The following GREM2 variants were observed in gnomAD, a reference collection of about 807,000 sequenced individuals.
GREM2 encodes gremlin 2, DAN family BMP antagonist.
GREM2 carries 11 observed loss-of-function variants against 14.2 expected under a neutral mutation model. The observed-to-expected ratio is 0.78, with a 90% CI of 0.49 to 1.28. The LOEUF is 1.28. Among genes scored for constraint, GREM2 ranks in the 50% most tolerant of loss-of-function variants. GREM2 has a pLI of 0.00. For missense variants in GREM2, 210 were observed against 218.5 expected (o/e 0.96, Z 0.24); for synonymous variants, 98 against 97.6 (o/e 1.00, Z -0.02).
At chr1:240,531,328 A>G (rs573609741) in intron 1 of GREM2, among the ~76,000 whole-genome samples, 1 of 152,332 alleles carries the variant, frequency 6.6e-6, no homozygotes, top group East Asian at 1.9e-4. Context: ...TGATATTATT[A>G]CAACTTTAAA....
chr1:240,611,544 T>C (rs1680135086), intron 1 of GREM2, among the ~76,000 whole-genome samples: 1 of 152,166 alleles, frequency 6.6e-6, no homozygotes, highest in African/African-American at 2.4e-5. Flanking sequence ...TGCCTCGCTA[T>C]AGTCATGATT....
At chr1:240,583,854 G>A (rs566622325) in intron 1 of GREM2, among the ~76,000 whole-genome samples, 83 of 151,766 alleles carry the variant, frequency 5.5e-4, no homozygotes, top group Non-Finnish European at 1.0e-3. Context: ...TGCCCACCTC[G>A]GCCTCCCAAA....
intron 1 of GREM2, among the ~76,000 whole-genome samples, chr1:240,510,198 T>C (rs973918677): frequency 2.0e-5 from 3 of 151,476 alleles, no homozygotes; most frequent in Non-Finnish European, 2.9e-5. Flanking sequence ...TGAAACCCCG[T>C]CTCCACTAAA....
In GREM2 at chr1:240,500,584, C is replaced by T. The variant is rs112434991; in HGVS notation, c.-1-7108G>A. On this transcript the variant is annotated intron_variant, in intron 1 of 1. Transcript: ENST00000318160. ...CCTCCCAAAGTGCTGGGATTACAAG[C>T]GTGAGCTGCCGTGCCCAGCCGATAA... Among the ~76,000 whole-genome samples the T allele has an allele frequency of 7.2e-5, 11 of 152,236 alleles. 1 individual carries two copies. Among genetic ancestry groups the T allele is most frequent in the East Asian group, 1.9e-4 (1 of 5,174 alleles).
intron 1 of GREM2, among the ~76,000 whole-genome samples, chr1:240,589,460 AAAAAG>A (rs148173885): frequency 0.045 from 6,830 of 151,864 alleles, 510 homozygotes; most frequent in African/African-American, 0.16. Flanking sequence ...AAAAAAGAAA[AAAAAG>A]AAAAGAAAAG....
chr1:240,599,303 G>A (rs1311676649), intron 1 of GREM2, among the ~76,000 whole-genome samples: 5 of 151,936 alleles, frequency 3.3e-5, no homozygotes, highest in Admixed American at 1.3e-4. Context: ...AGTAAGTGAG[G>A]GCTGTGTCTA....
At chr1:240,594,582 A>T (rs1363591758) in intron 1 of GREM2, among the ~76,000 whole-genome samples, 1 of 152,162 alleles carries the variant, frequency 6.6e-6, no homozygotes, top group African/African-American at 2.4e-5. Flanking sequence ...AGAAAGACCC[A>T]AGAAAAACCA....
chr1:240,543,445 T>C lies in GREM2; in HGVS notation c.-1-49969A>G, dbSNP rs573750943. Among the ~76,000 whole-genome samples, 4 of 152,288 alleles carry C rather than the reference T, an allele frequency of 2.6e-5. No homozygotes were observed. Among genetic ancestry groups the C allele is most frequent in the African/African-American group, 9.6e-5 (4 of 41,568 alleles). On this transcript the variant is annotated intron_variant, in intron 1 of 1. Coordinates refer to ENST00000318160, the MANE Select transcript of GREM2 (RefSeq NM_022469.4). The surrounding 1 kb of genome is among the most constrained non-coding windows in gnomAD (Gnocchi z 6.4). Reference sequence around the variant, plus strand: ...GAGTTTGTTCAGGGGAACTCCCATATATAAAACCATCAGATCTGGTGAGAC... The same window carrying C: ...GAGTTTGTTCAGGGGAACTCCCATACATAAAACCATCAGATCTGGTGAGAC...
chr1:240,536,604 T>C (rs2103320959), intron 1 of GREM2, among the ~76,000 whole-genome samples: 1 of 151,614 alleles, frequency 6.6e-6, no homozygotes, highest in Non-Finnish European at 1.5e-5. Flanking sequence ...GCTGTAGATC[T>C]GGAAGCCATC....
At chr1:240,599,039 C>A (rs1384089966) in intron 1 of GREM2, among the ~76,000 whole-genome samples, 1 of 152,074 alleles carries the variant, frequency 6.6e-6, no homozygotes, top group Admixed American at 6.6e-5. Context: ...GAGACCGAGG[C>A]AGGCAGATGA....
chr1:240,555,471 T>C (rs1399204297), intron 1 of GREM2, among the ~76,000 whole-genome samples: 2 of 152,206 alleles, frequency 1.3e-5, no homozygotes. Context: ...GTTTCTAAAA[T>C]TGGTGTAAAT....
rs1201794130 is a variant in GREM2 at position 240,491,244 on chromosome 1, A to G, written c.*1725T>C. The G allele has an allele frequency of 6.6e-6, 1 of 152,458 alleles. No homozygotes were observed. Among genetic ancestry groups the G allele is most frequent in the Non-Finnish European group, 1.5e-5 (1 of 68,046 alleles). The allele number at this position is 152,458 out of a possible 1,614,324, so 9.4% of individuals were successfully genotyped here. A position where few individuals can be genotyped will look rare whatever the true frequency, so the allele number is the denominator to read the frequency against. On this transcript the variant is annotated 3_prime_UTR_variant, in exon 2 of 2. Transcript: ENST00000318160. ...TCTAGATCCACCATCACTACCTAGT[A>G]TCAGGAAGCTAAGTCCCCACAGCGG...
rs546952518 is a variant in GREM2 at position 240,538,527 on chromosome 1, C to A, written c.-1-45051G>T. Among the ~76,000 whole-genome samples, 95 of 151,832 alleles carry A rather than the reference C, an allele frequency of 6.3e-4. 2 individuals are homozygous for A. Among genetic ancestry groups the A allele is most frequent in the African/African-American group, 2.3e-3 (94 of 41,406 alleles). ...GACCAGCCTGGGCAACATAGTGAGA[C>A]CTTTGTCTCTCCAAAAAAAAATAAT... is the stretch of plus-strand genomic sequence containing the variant. On this transcript the variant is annotated intron_variant, in intron 1 of 1. Coordinates refer to ENST00000318160, the MANE Select transcript of GREM2 (RefSeq NM_022469.4).
Position 240,543,487 on chromosome 1 carries a change from T to C in GREM2, c.-1-50011A>G, listed in dbSNP as rs1051650232. On this transcript the variant is annotated intron_variant, in intron 1 of 1. Transcript: ENST00000318160. This position sits in a 1 kb window ranked among gnomAD's most constrained non-coding sequence, Gnocchi z 6.4. ...TGGTGAGACTTATTCACTACCATGA[T>C]AACAGTAGGGGGGAAACCGCCCTTG... 6.6e-6 allele frequency among the ~76,000 whole-genome samples: 1 copy of C among 152,126 alleles called. No homozygotes were observed. Among genetic ancestry groups the C allele is most frequent in the African/African-American group, 2.4e-5 (1 of 41,422 alleles).
At chr1:240,541,923 CTG>C (rs1678598128) in intron 1 of GREM2, among the ~76,000 whole-genome samples, 1 of 152,178 alleles carries the variant, frequency 6.6e-6, no homozygotes, top group African/African-American at 2.4e-5. Context: ...AATGCCATCA[CTG>C]TCTTTATCAC....
At chr1:240,497,021 C>G (rs1049239227) in intron 1 of GREM2, among the ~76,000 whole-genome samples, 13 of 141,322 alleles carry the variant, frequency 9.2e-5, no homozygotes, top group Non-Finnish European at 1.6e-4. Flanking sequence ...AACTCCATCT[C>G]AAAAAAAAAA....
At chr1:240,587,074 AT>A (rs763766221) in intron 1 of GREM2, among the ~76,000 whole-genome samples, 12 of 152,084 alleles carry the variant, frequency 7.9e-5, no homozygotes, top group Non-Finnish European at 1.5e-4. Context: ...GGGTCTGATT[AT>A]TTTTTCCTAT....
Position 240,493,063 on chromosome 1 carries a change from G to A in GREM2, c.413C>T (p.Pro138Leu), listed in dbSNP as rs374808640. The change falls in exon 2 of 2, where the codon CCC (proline) becomes CTC (leucine). Residue 138 changes from proline (P) to leucine (L), a missense_variant. Coordinates refer to ENST00000318160, the MANE Select transcript of GREM2 (RefSeq NM_022469.4). ...GAGTCGGAAGGGTGGGTCCAGGCCG[G>A]GGCACTCGAGCTCCACGAGGACGGA... is the stretch of plus-strand genomic sequence containing the variant. ...VTSVLVELECPGLDPPFRLKK... is the reference protein window; with the variant it reads ...VTSVLVELECLGLDPPFRLKK... 1.2e-6 allele frequency: 2 copies of A among 1,612,668 alleles called. No individual in the cohort carries two copies. Among genetic ancestry groups the A allele is most frequent in the East Asian group, 2.2e-5 (1 of 44,792 alleles).
chr1:240,544,257 C>T (rs1240782043), intron 1 of GREM2, among the ~76,000 whole-genome samples: 1 of 151,654 alleles, frequency 6.6e-6, no homozygotes, highest in Non-Finnish European at 1.5e-5. Flanking sequence ...ACGCCTTTCT[C>T]CTGCCTCAGC....
Sources: allele counts gnomAD v4.1 joint callset (sites outside exome capture counted in the v4.1 genomes callset), GRCh38; gene constraint gnomAD v4.1.1; non-coding constraint Gnocchi (gnomAD v3.1); transcripts MANE v1.5; gene names NCBI Gene and HGNC (gene_info 2026-07-23, HGNC 2026-07-21).